Variants in NXPH2 observed in about 807,000 individuals in gnomAD.
The protein encoded by NXPH2 is neurexophilin 2.
In NXPH2, 5 loss-of-function variants were observed where a neutral mutation model predicts 19.8. That is an observed-to-expected ratio of 0.25 (90% CI 0.13 to 0.53). NXPH2 has a LOEUF of 0.53. NXPH2 is among the 20% of genes least tolerant of loss of function. NXPH2 has a pLI of 0.96. For missense variants in NXPH2, 289 were observed against 322.8 expected, an observed-to-expected ratio of 0.90 and a Z score of 0.80; for synonymous variants, 154 against 127.4, an observed-to-expected ratio of 1.21 and a Z score of -1.41.
chr2:138,757,076 A>T (rs1050923171), intron 1 of NXPH2, among the ~76,000 whole-genome samples: 2 of 152,232 alleles, frequency 1.3e-5, no homozygotes, highest in African/African-American at 4.8e-5. Context: ...CTACCTGAGA[A>T]AGGAAGCCAG....
At chr2:138,736,888 C>G (rs1573971993) in intron 1 of NXPH2, among the ~76,000 whole-genome samples, 1 of 152,222 alleles carries the variant, frequency 6.6e-6, no homozygotes, top group Admixed American at 6.5e-5. Flanking sequence ...ATGGCAGGGG[C>G]AAAATGCCAC....
intron 1 of NXPH2, among the ~76,000 whole-genome samples, chr2:138,672,510 G>T (rs572418768): frequency 6.6e-6 from 1 of 152,218 alleles, no homozygotes; most frequent in African/African-American, 2.4e-5. Flanking sequence ...GAGTCCCCAT[G>T]TTTACTAAAA....
chr2:138,671,453 C>A lies in NXPH2; in HGVS notation c.264G>T (p.Thr88=), dbSNP rs779942366. 6.2e-7 allele frequency: 1 copy of A among 1,613,882 alleles called. No individual in the cohort carries two copies. The highest frequency in any genetic ancestry group is 8.5e-7 in the Non-Finnish European group (1 of 1,179,780). The change falls in exon 2 of 2, where the codon ACG becomes ACT. Residue 88 remains threonine (T), a synonymous_variant. Transcript: ENST00000272641. ...ENFWDWLANI[T]EIQEPLARTK... is the part of the protein sequence containing the mutation. ...TTCTTGCCAATGGCTCCTGAATCTC[C>A]GTGATGTTGGCCAGCCAATCCCAAA... is the stretch of plus-strand genomic sequence containing the variant.
chr2:138,773,494 C>T (rs184538945), intron 1 of NXPH2, among the ~76,000 whole-genome samples: 1 of 152,220 alleles, frequency 6.6e-6, no homozygotes, highest in East Asian at 1.9e-4. Flanking sequence ...TAATCAACCA[C>T]TTTCAGTAGC....
At chr2:138,694,328 A>T (rs1337917759) in intron 1 of NXPH2, among the ~76,000 whole-genome samples, 1 of 152,118 alleles carries the variant, frequency 6.6e-6, no homozygotes, top group East Asian at 1.9e-4. Flanking sequence ...TGTGATCGTG[A>T]CCTTATTTGG....
intron 1 of NXPH2, among the ~76,000 whole-genome samples, chr2:138,733,224 A>G (rs964877011): frequency 6.6e-6 from 1 of 152,246 alleles, no homozygotes; most frequent in African/African-American, 2.4e-5. Flanking sequence ...AAAGTTTCTG[A>G]GATCCCTTAG....
chr2:138,755,365 G>T (rs1349974353), intron 1 of NXPH2, among the ~76,000 whole-genome samples: 1 of 151,952 alleles, frequency 6.6e-6, no homozygotes, highest in Non-Finnish European at 1.5e-5. Flanking sequence ...TAAGTTTTAT[G>T]TCTACATACA....
intron 1 of NXPH2, among the ~76,000 whole-genome samples, chr2:138,674,356 G>A (rs918770596): frequency 1.3e-5 from 2 of 151,890 alleles, no homozygotes; most frequent in Non-Finnish European, 2.9e-5. Flanking sequence ...GTCTCACCAT[G>A]TTGGCCAGGC....
intron 1 of NXPH2, among the ~76,000 whole-genome samples, chr2:138,708,129 G>T (rs552989075): frequency 6.6e-6 from 1 of 152,218 alleles, no homozygotes; most frequent in African/African-American, 2.4e-5. Flanking sequence ...TACTACACAG[G>T]GCATTTAATA....
chr2:138,727,911 A>G (rs1408562131), intron 1 of NXPH2, among the ~76,000 whole-genome samples: 1 of 152,188 alleles, frequency 6.6e-6, no homozygotes, highest in Admixed American at 6.5e-5. Context: ...ATGAAAATAT[A>G]AAGTAGTTGG....
intron 1 of NXPH2, among the ~76,000 whole-genome samples, chr2:138,697,873 A>G (rs1680852027): frequency 6.6e-6 from 1 of 152,142 alleles, no homozygotes. Context: ...GTGATTAACA[A>G]ATTAGCAAAT....
chr2:138,705,806 A>G (rs955231149), intron 1 of NXPH2, among the ~76,000 whole-genome samples: 2 of 152,176 alleles, frequency 1.3e-5, no homozygotes, highest in African/African-American at 4.8e-5. Context: ...ATTCTTCATA[A>G]AATAAACATT....
chr2:138,747,809 T>C (rs1337987794), intron 1 of NXPH2, among the ~76,000 whole-genome samples: 2 of 152,174 alleles, frequency 1.3e-5, no homozygotes, highest in Non-Finnish European at 2.9e-5. Flanking sequence ...ATAAAACCCA[T>C]TGAGGGATAT....
intron 1 of NXPH2, among the ~76,000 whole-genome samples, chr2:138,677,346 A>T (rs1189517873): frequency 2.6e-5 from 4 of 152,200 alleles, no homozygotes; most frequent in Non-Finnish European, 5.9e-5. Flanking sequence ...ACATTCCTTG[A>T]TTTCAACACA....
At chr2:138,730,565 T>C (rs774866716) in intron 1 of NXPH2, among the ~76,000 whole-genome samples, 1 of 152,082 alleles carries the variant, frequency 6.6e-6, no homozygotes, top group Non-Finnish European at 1.5e-5. Flanking sequence ...TGAGGCACCA[T>C]GCTATGAGGC....
chr2:138,691,176 A>G (rs1436975737), intron 1 of NXPH2, among the ~76,000 whole-genome samples: 1 of 152,198 alleles, frequency 6.6e-6, no homozygotes, highest in African/African-American at 2.4e-5. Flanking sequence ...TGAATGTCTC[A>G]CTTGAAGGAA....
chr2:138,728,169 TC>T (rs1681388353), intron 1 of NXPH2, among the ~76,000 whole-genome samples: 1 of 152,070 alleles, frequency 6.6e-6, no homozygotes, highest in Non-Finnish European at 1.5e-5. Context: ...TCTCTCTCTC[TC>T]TCTCTCTCTG....
intron 1 of NXPH2, among the ~76,000 whole-genome samples, chr2:138,722,051 A>G (rs1363994246): frequency 6.6e-6 from 1 of 152,232 alleles, no homozygotes; most frequent in African/African-American, 2.4e-5. Context: ...TGCTATAAGT[A>G]GGTAAATTAA....
At chr2:138,752,525 C>CCCATATACATCACACCTAATTT (rs1681842574) in intron 1 of NXPH2, among the ~76,000 whole-genome samples, 1 of 152,076 alleles carries the variant, frequency 6.6e-6, no homozygotes, top group Admixed American at 6.6e-5. Flanking sequence ...AAGCAGAGTT[C>CCCATATACATCACACCTAATTT]CCATATACAT....
Sources: gnomAD v4.1 joint callset for allele counts (sites outside exome capture counted in the v4.1 genomes callset) on GRCh38, gnomAD v4.1.1 for gene constraint, MANE v1.5 for transcripts, NCBI Gene and HGNC (gene_info 2026-07-23, HGNC 2026-07-21) for gene names.